JARID2: variants seen among roughly 807,000 people sequenced by gnomAD.
JARID2 encodes jumonji and AT-rich interaction domain containing 2.
A neutral mutation model predicts 125.6 loss-of-function variants in JARID2; 21 were observed. The ratio of observed to expected loss-of-function variants is 0.17; its 90% CI spans 0.12 to 0.24. JARID2 has a LOEUF of 0.24. JARID2 is among the 10% of genes least tolerant of loss of function. JARID2 has a pLI of 1.00. For synonymous variants in JARID2, 736 were observed against 661.6 expected (o/e 1.11, Z -1.73); for missense variants, 1,303 against 1,639.6 (o/e 0.79, Z 3.55).
chr6:15,310,073 C>T (rs961522282), intron 1 of JARID2, among the ~76,000 whole-genome samples: 32 of 152,230 alleles, frequency 2.1e-4, no homozygotes, highest in Middle Eastern at 3.4e-3. Context: ...GAGATTAAGG[C>T]CAGGGAGGCT....
chr6:15,367,098 C>T (rs1215754477), intron 1 of JARID2, among the ~76,000 whole-genome samples: 3 of 152,118 alleles, frequency 2.0e-5, no homozygotes, highest in Non-Finnish European at 4.4e-5. Flanking sequence ...TCGTTACTAC[C>T]AGTGCCCTTG....
intron 1 of JARID2, among the ~76,000 whole-genome samples, chr6:15,286,588 T>C (rs794787): frequency 0.3 from 45,507 of 150,492 alleles, 7,271 homozygotes; most frequent in African/African-American, 0.42. Flanking sequence ...TGGCAGAGCG[T>C]GGTGGCTCAC....
chr6:15,366,428 A>G (rs1763975807), intron 1 of JARID2, among the ~76,000 whole-genome samples: 1 of 145,464 alleles, frequency 6.9e-6, no homozygotes, highest in African/African-American at 2.5e-5. Context: ...GGAGTCAGGA[A>G]AAGCACTTCT....
chr6:15,354,137 C>T (rs1409241974), intron 1 of JARID2, among the ~76,000 whole-genome samples: 1 of 152,072 alleles, frequency 6.6e-6, no homozygotes, highest in African/African-American at 2.4e-5. Context: ...CAGGTGAGCC[C>T]AATGTAATCA....
chr6:15,469,931 G>A (rs1424986979), intron 5 of JARID2, among the ~76,000 whole-genome samples: 3 of 151,968 alleles, frequency 2.0e-5, no homozygotes, highest in African/African-American at 7.2e-5. Flanking sequence ...GTAATCCCAG[G>A]ACTTTGGGAG....
intron 1 of JARID2, among the ~76,000 whole-genome samples, chr6:15,256,504 T>C (rs1401026788): frequency 1.3e-5 from 2 of 152,224 alleles, no homozygotes; most frequent in Admixed American, 6.5e-5. Context: ...CACAATTCTT[T>C]AGTGGCTCTC....
chr6:15,296,274 A>C (rs893609046), intron 1 of JARID2, among the ~76,000 whole-genome samples: 1 of 152,128 alleles, frequency 6.6e-6, no homozygotes, highest in African/African-American at 2.4e-5. Flanking sequence ...CGTGCATTCT[A>C]ATAGAATCAT....
chr6:15,260,327 T>G (rs1233466104), intron 1 of JARID2, among the ~76,000 whole-genome samples: 1 of 152,188 alleles, frequency 6.6e-6, no homozygotes, highest in Non-Finnish European at 1.5e-5. Context: ...TAAAAATGTT[T>G]TGAAATACTC....
At chr6:15,429,625 A>G (rs917458629) in intron 3 of JARID2, among the ~76,000 whole-genome samples, 5 of 152,228 alleles carry the variant, frequency 3.3e-5, no homozygotes, top group African/African-American at 1.2e-4. Context: ...ACTCCTATTT[A>G]GAATTGTTCT....
chr6:15,283,751 G>T (rs1223786594), intron 1 of JARID2, among the ~76,000 whole-genome samples: 2 of 146,158 alleles, frequency 1.4e-5, no homozygotes, highest in African/African-American at 5.1e-5. Context: ...TGTTGCCCAG[G>T]CTGGAGTGCA....
chr6:15,395,606 G>A (rs191173782), intron 2 of JARID2, among the ~76,000 whole-genome samples: 28 of 151,940 alleles, frequency 1.8e-4, no homozygotes, highest in Non-Finnish European at 1.6e-4. Context: ...CTTCGTGTTG[G>A]TCAGACTGGT....
intron 4 of JARID2, among the ~76,000 whole-genome samples, chr6:15,458,669 T>A (rs1223737593): frequency 6.6e-6 from 1 of 152,124 alleles, no homozygotes; most frequent in African/African-American, 2.4e-5. Flanking sequence ...TGCGTGAAAA[T>A]GCTGGGATAG....
At chr6:15,415,486 CAGA>C in intron 3 of JARID2, among the ~76,000 whole-genome samples, 1 of 144,772 alleles carries the variant, frequency 6.9e-6, no homozygotes, top group African/African-American at 2.5e-5. Flanking sequence ...GCTGGCCGGG[CAGA>C]GGGGCTCCTC....
At chr6:15,323,706 G>A (rs192367489) in intron 1 of JARID2, among the ~76,000 whole-genome samples, 1 of 152,012 alleles carries the variant, frequency 6.6e-6, no homozygotes, top group African/African-American at 2.4e-5. Flanking sequence ...CAGGCAGATC[G>A]CAACATGGTG....
chr6:15,418,104 T>C (rs1042038451), intron 3 of JARID2, among the ~76,000 whole-genome samples: 2 of 151,990 alleles, frequency 1.3e-5, no homozygotes, highest in Admixed American at 1.3e-4. Flanking sequence ...GCAAGAGTGG[T>C]GGGGTGAGGA....
intron 2 of JARID2, among the ~76,000 whole-genome samples, chr6:15,406,997 G>A (rs918323718): frequency 6.6e-6 from 1 of 151,836 alleles, no homozygotes; most frequent in Admixed American, 6.6e-5. Context: ...CGGTTTTCAC[G>A]CCTGTAATTC....
intron 1 of JARID2, among the ~76,000 whole-genome samples, chr6:15,370,061 A>G (rs1216158270): frequency 6.6e-6 from 1 of 152,134 alleles, no homozygotes; most frequent in African/African-American, 2.4e-5. Flanking sequence ...TGGCAGGGCG[A>G]GTAGGGGTAA....
chr6:15,369,732 G>C (rs1302190716), intron 1 of JARID2, among the ~76,000 whole-genome samples: 1 of 152,240 alleles, frequency 6.6e-6, no homozygotes, highest in African/African-American at 2.4e-5. Flanking sequence ...AAATACAGGA[G>C]AAAGAGTCTG....
intron 3 of JARID2, among the ~76,000 whole-genome samples, chr6:15,424,436 A>C (rs1766634756): frequency 6.6e-6 from 1 of 152,220 alleles, no homozygotes. Flanking sequence ...ATTAGGAGAA[A>C]AGAGCAAAAT....
Sources: allele counts gnomAD v4.1 joint callset (sites outside exome capture counted in the v4.1 genomes callset), GRCh38; gene constraint gnomAD v4.1.1; transcripts MANE v1.5; gene names NCBI Gene and HGNC (gene_info 2026-07-23, HGNC 2026-07-21).